The following PALB2 variants were observed in gnomAD, a reference collection of about 807,000 sequenced individuals.
PALB2 encodes the protein mutant partner and localizer of BRCA2.
PALB2 carries 82 observed loss-of-function variants against 107.4 expected under a neutral mutation model. The observed-to-expected ratio is 0.76, with a 90% confidence interval of 0.64 to 0.92. The LOEUF (loss-of-function observed/expected upper bound fraction) is 0.92, where lower values mean the gene tolerates loss of function less well. Ranked by LOEUF, PALB2 falls within the 40% of genes least tolerant of loss-of-function variation. PALB2 has a pLI of 0.00. For synonymous variants in PALB2, 489 were observed against 496.8 expected (o/e 0.98, Z 0.21); for missense variants, 1,374 against 1,379.9 (o/e 1.00, Z 0.07).
rs1213312827 is a variant in PALB2, at chr16:23,611,467, T to TTA, written c.3201+2536_3201+2537insTA. 7.9e-5 allele frequency among the ~76,000 whole-genome samples: 11 copies of TTA among 138,892 alleles called. 1 individual carries two copies. The highest frequency in any genetic ancestry group is 2.9e-4 in the African/African-American group (11 of 37,444). The allele number at this position is 138,892 out of a possible 152,430, so 91.1% of individuals were successfully genotyped here. On this transcript the variant is annotated intron_variant, in intron 11 of 12. Transcript: ENST00000261584. ...AGCCTAGTTATTATTATTATTATTA[T>TTA]TTTTTTTTGAGATGGAGTTTTGCTC...
intron 10 of PALB2, among the ~76,000 whole-genome samples, chr16:23,620,141 A>C (rs1469583183): frequency 6.6e-6 from 1 of 151,438 alleles, no homozygotes; most frequent in Non-Finnish European, 1.5e-5. Flanking sequence ...CTGAACTTGA[A>C]CTCCAAATGC....
At chr16:23,607,498 G>C (rs1966499024) in intron 12 of PALB2, 1 of 318,272 alleles carries the variant, frequency 3.1e-6, no homozygotes, top group African/African-American at 2.2e-5. Context: ...GTCTTGCTCT[G>C]TTGTCCAAGT....
Position 23,641,265 on chromosome 16 carries a change from GC to G in PALB2, c.-109del, listed in dbSNP as rs956978455. The G allele has an allele frequency of 2.6e-4, 366 of 1,402,220 alleles. 1 individual carries two copies. Among genetic ancestry groups the G allele is most frequent in the Non-Finnish European group, 3.5e-4 (351 of 1,015,374 alleles). The allele number at this position is 1,402,220 out of a possible 1,614,324, so 86.9% of individuals were successfully genotyped here. On this transcript the variant is annotated 5_prime_UTR_variant, in exon 1 of 13. Coordinates refer to ENST00000261584, the MANE Select transcript of PALB2 (RefSeq NM_024675.4). ...GAGGCGCCCCAGGAAGGAATGGGGA[GC>G]CCGGGATCGCACCCTCAGTGCGCGA...
At position 23,634,954 on chromosome 16, in the gene PALB2, A is replaced by T. The variant is rs540962715; in HGVS notation, c.1592T>A (p.Leu531Ter). 6.2e-7 allele frequency: 1 copy of T among 1,613,934 alleles called. No individual in the cohort carries two copies. The highest frequency in any genetic ancestry group is 8.5e-7 in the Non-Finnish European group (1 of 1,180,032). The change falls in exon 4 of 13, where the codon TTG (leucine) becomes TAG (stop). Residue 531 changes from leucine to a stop codon, truncating the protein, a stop_gained. Coordinates refer to ENST00000261584, the MANE Select transcript of PALB2 (RefSeq NM_024675.4). LOFTEE classifies it high-confidence loss of function. ...TPASDHCEPLLPTSSLSIVNR... is the reference protein window; with the variant it reads ...TPASDHCEPL ...AACAATCGACAGGCTAGAAGTTGGC[A>T]AAAGTGGTTCACAATGATCTGATGC...
chr16:23,609,462 T>G (rs1172118202), intron 11 of PALB2, among the ~76,000 whole-genome samples: 1 of 152,054 alleles, frequency 6.6e-6, no homozygotes, highest in Non-Finnish European at 1.5e-5. Context: ...AAATGTTAAA[T>G]GCTATACAGT....
In PALB2 at chr16:23,614,107, T is replaced by C. The variant is rs778244808; in HGVS notation, c.3114-16A>G. ...TTTTAAATTCCTTAGATAACAAAAA[T>C]AAATAAGCTGATCACATTCTTCCAA... On this transcript the variant is annotated splice_polypyrimidine_tract_variant and intron_variant, in intron 10 of 12. Coordinates refer to ENST00000261584, the MANE Select transcript of PALB2 (RefSeq NM_024675.4). The C allele has an allele frequency of 6.5e-7, 1 of 1,532,186 alleles. No individual in the cohort carries two copies. Among genetic ancestry groups the C allele is most frequent in the Non-Finnish European group, 9.0e-7 (1 of 1,106,850 alleles). The allele number at this position is 1,532,186 out of a possible 1,614,324, so 94.9% of individuals were successfully genotyped here.
chr16:23,606,214 G>A (rs919637724), intron 12 of PALB2, among the ~76,000 whole-genome samples: 4 of 151,872 alleles, frequency 2.6e-5, no homozygotes, highest in African/African-American at 9.7e-5. Flanking sequence ...ACATACTGCA[G>A]ATGATAGTTC....
chr16:23,605,547 T>G (rs556118439), intron 12 of PALB2, among the ~76,000 whole-genome samples: 1 of 152,138 alleles, frequency 6.6e-6, no homozygotes. Flanking sequence ...TAGCTGGGAT[T>G]ACTGGTGCAC....
Position 23,635,020 on chromosome 16 carries a change from C to A in PALB2, c.1526G>T (p.Gly509Val), listed in dbSNP as rs786203176. 6.2e-7 allele frequency: 1 copy of A among 1,614,152 alleles called. No individual in the cohort carries two copies. The change falls in exon 4 of 13, where the codon GGT (glycine) becomes GTT (valine). Residue 509 changes from glycine to valine, a missense_variant. Coordinates refer to ENST00000261584, the MANE Select transcript of PALB2 (RefSeq NM_024675.4). ...TTTTCTTTTTCCTGTGTATCTTCTACCAGGTGCTTGGGCAACTGCCTTCCT... is the reference window on the plus strand; with the variant it reads ...TTTTCTTTTTCCTGTGTATCTTCTAACAGGTGCTTGGGCAACTGCCTTCCT... ...LSRKAVAQAP[G>V]RRYTGKRKSA...
intron 10 of PALB2, among the ~76,000 whole-genome samples, chr16:23,620,290 C>CT (rs1171601329): frequency 4.6e-5 from 7 of 151,566 alleles, no homozygotes; most frequent in East Asian, 1.9e-4. Context: ...ATTTAGGGTT[C>CT]TTTTTTTTAT....
chr16:23,611,549 C>A (rs963806195), intron 11 of PALB2, among the ~76,000 whole-genome samples: 2 of 152,026 alleles, frequency 1.3e-5, no homozygotes, highest in Non-Finnish European at 2.9e-5. Flanking sequence ...ACCTCTGCCC[C>A]CTGGGTTCAA....
chr16:23,627,943 A>T (rs150263091), intron 6 of PALB2, among the ~76,000 whole-genome samples: 92 of 152,322 alleles, frequency 6.0e-4, no homozygotes, highest in South Asian at 1.5e-3. Context: ...TTATTAGGAC[A>T]CTGGGCATGG....
intron 4 of PALB2, among the ~76,000 whole-genome samples, 176 bp downstream of exon 4, chr16:23,634,686 T>G (rs1966941001): frequency 6.6e-6 from 1 of 151,714 alleles, no homozygotes; most frequent in Non-Finnish European, 1.5e-5. Context: ...TTTAAATTTT[T>G]TTGAGCCAGG....
Position 23,641,262 on chromosome 16 carries a change from G to T in PALB2, c.-105C>A. On this transcript the variant is annotated 5_prime_UTR_variant, in exon 1 of 13. Coordinates refer to ENST00000261584, the MANE Select transcript of PALB2 (RefSeq NM_024675.4). ...GGGGAGGCGCCCCAGGAAGGAATGG[G>T]GAGCCCGGGATCGCACCCTCAGTGC... The T allele has an allele frequency of 6.9e-7, 1 of 1,448,150 alleles. No individual in the cohort carries two copies. The highest frequency in any genetic ancestry group is 9.5e-7 in the Non-Finnish European group (1 of 1,054,612). The allele number at this position is 1,448,150 out of a possible 1,614,324, so 89.7% of individuals were successfully genotyped here. A position where few individuals can be genotyped will look rare whatever the true frequency, so the allele number is the denominator to read the frequency against.
At chr16:23,616,187 A>C (rs890031527) in intron 10 of PALB2, among the ~76,000 whole-genome samples, 1 of 152,084 alleles carries the variant, frequency 6.6e-6, no homozygotes, top group Non-Finnish European at 1.5e-5. Context: ...CTTAGGGCCT[A>C]GTTATATCCC....
intron 1 of PALB2, chr16:23,640,837 G>A (rs1967215368): frequency 2.4e-6 from 1 of 408,466 alleles, no homozygotes; most frequent in East Asian, 3.9e-5. Flanking sequence ...TGTGGGAGGG[G>A]GGAGGAGCAA....
chr16:23,622,414 AG>A (rs1339903549), intron 9 of PALB2, among the ~76,000 whole-genome samples: 1 of 151,762 alleles, frequency 6.6e-6, no homozygotes, highest in Non-Finnish European at 1.5e-5. Context: ...TGTGTGTTTA[AG>A]ATTAGGTCTC....
chr16:23,613,018 GT>G (rs776816639), intron 11 of PALB2, among the ~76,000 whole-genome samples: 397 of 142,204 alleles, frequency 2.8e-3, no homozygotes, highest in African/African-American at 6.6e-3. Context: ...CTCCCAAAGC[GT>G]TTTTTTTTTT....
In PALB2 at chr16:23,607,861, T is replaced by G. The variant is rs1263839721; in HGVS notation, c.3350+3A>C. The G allele has an allele frequency of 6.2e-7, 1 of 1,613,808 alleles. No individual in the cohort carries two copies. The highest frequency in any genetic ancestry group is 1.7e-5 in the Admixed American group (1 of 60,002). On this transcript the variant is annotated splice_donor_region_variant and intron_variant, in intron 12 of 12. Transcript: ENST00000261584. ...CCATAGAGTAGCAGTTATGCACACT[T>G]GCCTGCCAGCCTGCCCTGGAGGAAG...
Sources: gnomAD v4.1 joint callset for allele counts (sites outside exome capture counted in the v4.1 genomes callset) on GRCh38, gnomAD v4.1.1 for gene constraint, MANE v1.5 for transcripts, NCBI Gene and HGNC (gene_info 2026-07-23, HGNC 2026-07-21) for gene names.